The following ARHGEF33 variants were observed in gnomAD, a reference collection of about 807,000 sequenced individuals.
The protein encoded by ARHGEF33 is Rho guanine nucleotide exchange factor 33.
A neutral mutation model predicts 101.9 loss-of-function variants in ARHGEF33; 72 were observed. The ratio of observed to expected loss-of-function variants is 0.71; its 90% CI spans 0.58 to 0.86. The LOEUF (loss-of-function observed/expected upper bound fraction) is 0.86, where lower values mean the gene tolerates loss of function less well. Ranked by LOEUF, ARHGEF33 falls within the 40% of genes least tolerant of loss-of-function variation. The pLI is 0.00. For synonymous variants in ARHGEF33, 499 were observed against 442.5 expected (o/e 1.13, Z -1.60); for missense variants, 1,169 against 1,111.3 (o/e 1.05, Z -0.74).
At chr2:38,906,201 A>AAG (rs1314684209) in intron 2 of ARHGEF33, among the ~76,000 whole-genome samples, 3 of 151,910 alleles carry the variant, frequency 2.0e-5, no homozygotes, top group Non-Finnish European at 4.4e-5. Context: ...AAAAAAAAAA[A>AAG]AAAAAGAAAA....
chr2:38,936,989 G>GT (rs1667150949), intron 8 of ARHGEF33: 1 of 144,262 alleles, frequency 6.9e-6, no homozygotes, highest in African/African-American at 2.6e-5. Context: ...AAAAAAAAAA[G>GT]TAACAAACTT....
intron 9 of ARHGEF33, among the ~76,000 whole-genome samples, chr2:38,940,089 C>A (rs1572761412): frequency 2.0e-5 from 3 of 152,086 alleles, no homozygotes; most frequent in Non-Finnish European, 2.9e-5. Flanking sequence ...TGTAGAAAGT[C>A]AAGTGGTCTT....
At chr2:38,907,845 A>G (rs985919218) in intron 2 of ARHGEF33, among the ~76,000 whole-genome samples, 1 of 148,998 alleles carries the variant, frequency 6.7e-6, no homozygotes, top group Non-Finnish European at 1.5e-5. Context: ...CCTCTTGCAC[A>G]GTGTCTCTGG....
At chr2:38,917,661 C>A (rs1666666244) in intron 2 of ARHGEF33, among the ~76,000 whole-genome samples, 1 of 151,370 alleles carries the variant, frequency 6.6e-6, no homozygotes, top group Non-Finnish European at 1.5e-5. Context: ...AGACTCCTGT[C>A]TCTACAAAAA....
intron 10 of ARHGEF33, among the ~76,000 whole-genome samples, chr2:38,949,381 A>G (rs1415718780): frequency 6.6e-6 from 1 of 152,108 alleles, no homozygotes; most frequent in Non-Finnish European, 1.5e-5. Context: ...CTGTAACCCA[A>G]AAAAACTCTG....
At chr2:38,943,191 G>C (rs1263410931) in intron 9 of ARHGEF33, among the ~76,000 whole-genome samples, 1 of 152,198 alleles carries the variant, frequency 6.6e-6, no homozygotes, top group Non-Finnish European at 1.5e-5. Flanking sequence ...GCCTCCCAAA[G>C]TGCTAGGATT....
chr2:38,908,271 A>G (rs150471406), intron 2 of ARHGEF33, among the ~76,000 whole-genome samples: 1 of 152,310 alleles, frequency 6.6e-6, no homozygotes, highest in Non-Finnish European at 1.5e-5. Flanking sequence ...GATGAAGAAT[A>G]TCTTCCCTGA....
At chr2:38,959,773 G>C in intron 15 of ARHGEF33, 68 bp from the exon 16 acceptor site, 1 of 1,434,340 alleles carries the variant, frequency 7.0e-7, no homozygotes, top group Non-Finnish European at 9.2e-7. Flanking sequence ...GAGGGGCGCC[G>C]GCAGGCGAGA....
intron 15 of ARHGEF33, among the ~76,000 whole-genome samples, chr2:38,958,672 G>T (rs7582918): frequency 6.6e-6 from 1 of 152,202 alleles, no homozygotes; most frequent in South Asian, 2.1e-4. Context: ...CAGACCACCA[G>T]AGTAAGATAT....
chr2:38,892,470 A>G (rs1666027839), intron 1 of ARHGEF33, among the ~76,000 whole-genome samples: 1 of 152,168 alleles, frequency 6.6e-6, no homozygotes. Flanking sequence ...TAAGTACCAT[A>G]ACACCCGGGC....
chr2:38,944,121 A>G (rs2124402532), intron 10 of ARHGEF33, 91 bp downstream of exon 10: 2 of 1,326,958 alleles, frequency 1.5e-6, no homozygotes, highest in Non-Finnish European at 1.0e-6. Flanking sequence ...TCTGGGGCCT[A>G]TGAAGAGTTC....
In ARHGEF33 at chr2:38,973,826, C is replaced by G; in HGVS notation, c.2596C>G (p.Gln866Glu). 6.5e-7 allele frequency: 1 copy of G among 1,547,810 alleles called. No individual in the cohort carries two copies. The highest frequency in any genetic ancestry group is 8.7e-7 in the Non-Finnish European group (1 of 1,145,646). The part of the protein sequence containing the change: ...NRLALANDLD[Q>E]GTAV ...ACTTGCTCTTGCAAATGACCTTGAC[C>G]AAGGAACAGCTGTGTAAAACATACT... The change falls in exon 18 of 18, where the codon CAA becomes GAA. Residue 866 changes from glutamine to glutamate, a missense_variant. Transcript: ENST00000409978.
intron 6 of ARHGEF33, 73 bp from the exon 7 acceptor site, chr2:38,931,036 C>A (rs1329481635): frequency 2.5e-6 from 3 of 1,204,584 alleles, no homozygotes; most frequent in Non-Finnish European, 3.4e-6. Flanking sequence ...TTGAGTTGTT[C>A]TGAACTGAAT....
At chr2:38,942,255 C>T (rs1667330327) in intron 9 of ARHGEF33, among the ~76,000 whole-genome samples, 1 of 149,862 alleles carries the variant, frequency 6.7e-6, no homozygotes, top group South Asian at 2.1e-4. Context: ...GCCACCTCTG[C>T]CTCCCGGGTT....
At chr2:38,973,626 A>C in intron 17 of ARHGEF33, 88 bp from the exon 18 acceptor site, 1 of 1,363,934 alleles carries the variant, frequency 7.3e-7, no homozygotes, top group Non-Finnish European at 9.6e-7. Context: ...ACTGTTTTAC[A>C]AATGCAAAAC....
intron 2 of ARHGEF33, among the ~76,000 whole-genome samples, chr2:38,918,659 G>C (rs1467378340): frequency 6.6e-6 from 1 of 152,122 alleles, no homozygotes; most frequent in Non-Finnish European, 1.5e-5. Flanking sequence ...GCCGAAAGTG[G>C]GGACAAGGCT....
chr2:38,950,997 C>G lies in ARHGEF33; in HGVS notation c.929C>G (p.Pro310Arg). Residue 310 changes from proline (P) to arginine (R), a missense_variant, in exon 11 of 18, where the codon CCT (proline) becomes CGT (arginine). Transcript: ENST00000409978. ...CTCTATTCTGTTTCAAGCCTCTTCC[C>G]TGGCTCTTTACGGTACCTCGTCCAG... ...KRNSKERSLF[P>R]GSLRYLVQQH... 1.3e-6 allele frequency: 2 copies of G among 1,552,188 alleles called. No individual in the cohort carries two copies. Among genetic ancestry groups the G allele is most frequent in the Non-Finnish European group, 1.7e-6 (2 of 1,147,084 alleles).
At chr2:38,950,077 G>A (rs983388150) in intron 10 of ARHGEF33, among the ~76,000 whole-genome samples, 2 of 152,144 alleles carry the variant, frequency 1.3e-5, no homozygotes, top group African/African-American at 4.8e-5. Context: ...GTTGGGCAGG[G>A]ACACACATCC....
rs1400809529 is a variant in ARHGEF33 at position 38,960,444 on chromosome 2, G to A, written c.2139G>A (p.Pro713=). 130 of 1,496,852 alleles carry A rather than the reference G, an allele frequency of 8.7e-5. No homozygotes were observed. The highest frequency in any genetic ancestry group is 1.1e-4 in the Non-Finnish European group (128 of 1,130,006). 92.7% of individuals were successfully genotyped at this position (1,496,852 alleles called of 1,614,324 possible). ...TGAGCCGCTCTCTCAAAGAGTTCCCGCGTGCGCCGCCAGCCGACGGCGTGG... is the reference window on the plus strand; with the variant it reads ...TGAGCCGCTCTCTCAAAGAGTTCCCACGTGCGCCGCCAGCCGACGGCGTGG... ...KPLSRSLKEF[P]RAPPADGVAP... is the part of the protein sequence containing the mutation. The change falls in exon 16 of 18, where the codon CCG becomes CCA. Residue 713 remains proline, a synonymous_variant. Transcript: ENST00000409978.
Sources: allele counts gnomAD v4.1 joint callset (sites outside exome capture counted in the v4.1 genomes callset), GRCh38; gene constraint gnomAD v4.1.1; transcripts MANE v1.5; gene names NCBI Gene and HGNC (gene_info 2026-07-23, HGNC 2026-07-21).